The following STK31 variants were observed in gnomAD, a reference collection of about 807,000 sequenced individuals.
STK31 encodes the protein serine/threonine kinase 31.
STK31 carries 89 observed loss-of-function variants against 129.7 expected under a neutral mutation model. The ratio of observed to expected loss-of-function variants is 0.69; its 90% CI spans 0.58 to 0.82. The LOEUF is 0.82. Among genes scored for constraint, STK31 ranks in the 40% least tolerant of loss-of-function variants. STK31 has a pLI of 0.00. For synonymous variants in STK31, 448 were observed against 395.3 expected (o/e 1.13, Z -1.58); for missense variants, 1,187 against 1,176.4 (o/e 1.01, Z -0.13).
At chr7:23,769,796 A>C (rs1161128014) in intron 13 of STK31, 40 bp downstream of exon 13, 1 of 1,356,528 alleles carries the variant, frequency 7.4e-7, no homozygotes, top group Non-Finnish European at 1.0e-6. Context: ...CCTTTGAAGC[A>C]GTGTGGTTTC....
chr7:23,808,024 A>G (rs182537162), intron 22 of STK31, among the ~76,000 whole-genome samples: 452 of 150,840 alleles, frequency 3.0e-3, no homozygotes, highest in Non-Finnish European at 4.5e-3. Context: ...CATCTGTTCT[A>G]TTTGGTGTCC....
chr7:23,810,621 A>G (rs137920387), intron 22 of STK31, among the ~76,000 whole-genome samples: 1,641 of 138,294 alleles, frequency 0.012, 28 homozygotes, highest in South Asian at 0.03. Flanking sequence ...TATATATAAT[A>G]TATATAATAG....
At chr7:23,784,738 C>T (rs1178769163) in intron 17 of STK31, among the ~76,000 whole-genome samples, 1 of 151,444 alleles carries the variant, frequency 6.6e-6, no homozygotes, top group African/African-American at 2.4e-5. Flanking sequence ...GAAACTGCAC[C>T]ACAGTAAAAC....
chr7:23,768,983 A>G lies in STK31; in HGVS notation c.1417-12A>G, dbSNP rs755328420. The G allele has an allele frequency of 3.1e-5, 48 of 1,572,322 alleles. No homozygotes were observed. Among genetic ancestry groups the G allele is most frequent in the East Asian group, 4.5e-5 (2 of 44,256 alleles). ...AATAAACTTTAATAAACAGAAGTAT[A>G]TCTCTCTGCAGGATTTGTCAGTCTC... On this transcript the variant is annotated splice_polypyrimidine_tract_variant and intron_variant, in intron 11 of 23. Coordinates refer to ENST00000355870, the MANE Select transcript of STK31 (RefSeq NM_031414.5).
At chr7:23,760,308 A>G (rs1288363269) in intron 10 of STK31, among the ~76,000 whole-genome samples, 2 of 152,142 alleles carry the variant, frequency 1.3e-5, no homozygotes, top group African/African-American at 2.4e-5. Context: ...CTTACTCCCT[A>G]GTCATACCTA....
At chr7:23,796,351 T>C (rs183569499) in intron 22 of STK31, among the ~76,000 whole-genome samples, 32 of 124,334 alleles carry the variant, frequency 2.6e-4, no homozygotes, top group African/African-American at 6.9e-4. Flanking sequence ...AGTAAACATA[T>C]CAAGTTTTTT....
intron 3 of STK31, among the ~76,000 whole-genome samples, chr7:23,714,003 T>C (rs1002162240): frequency 6.6e-6 from 1 of 152,166 alleles, no homozygotes; most frequent in Non-Finnish European, 1.5e-5. Context: ...ACCACAAATA[T>C]GTGAGTAATG....
chr7:23,742,723 CTCTT>C (rs1195418298), intron 8 of STK31, among the ~76,000 whole-genome samples: 1 of 152,174 alleles, frequency 6.6e-6, no homozygotes, highest in Non-Finnish European at 1.5e-5. Context: ...GGCTTTCTCT[CTCTT>C]CTCTGGTGAA....
chr7:23,725,366 T>G (rs1786991860), intron 4 of STK31, among the ~76,000 whole-genome samples: 1 of 125,230 alleles, frequency 8.0e-6, no homozygotes, highest in African/African-American at 3.1e-5. Context: ...TGAGACCCTG[T>G]TTCTACAAAA....
intron 11 of STK31, among the ~76,000 whole-genome samples, chr7:23,764,116 C>G (rs1789660071): frequency 6.6e-6 from 1 of 152,284 alleles, no homozygotes; most frequent in Admixed American, 6.5e-5. Context: ...GAAACATTTT[C>G]TTAATTGGAA....
At chr7:23,770,802 A>C (rs1356096503) in intron 13 of STK31, among the ~76,000 whole-genome samples, 1 of 152,092 alleles carries the variant, frequency 6.6e-6, no homozygotes, top group African/African-American at 2.4e-5. Context: ...GACTGGTCTC[A>C]CTATGTTGCC....
chr7:23,733,393 C>CTT (rs36053082), intron 6 of STK31, among the ~76,000 whole-genome samples: 15 of 125,770 alleles, frequency 1.2e-4, no homozygotes, highest in African/African-American at 2.7e-4. Flanking sequence ...CTAAAAAATT[C>CTT]TTTTTTTTTT....
chr7:23,741,546 C>G (rs1269456740), intron 8 of STK31, among the ~76,000 whole-genome samples: 2 of 152,144 alleles, frequency 1.3e-5, no homozygotes, highest in African/African-American at 4.8e-5. Context: ...CACCTAGTAT[C>G]AAGCTCTACC....
chr7:23,746,932 T>G (rs1788391677), intron 8 of STK31, among the ~76,000 whole-genome samples: 1 of 152,270 alleles, frequency 6.6e-6, no homozygotes, highest in South Asian at 2.1e-4. Flanking sequence ...TTTTTCTCAA[T>G]AAGTTATACA....
Position 23,769,090 on chromosome 7 carries a change from TAAAAG to T in STK31, c.1514_1518del (p.Lys505ArgfsTer7), listed in dbSNP as rs1014738239. On this transcript the variant is annotated frameshift_variant, in exon 12 of 24. Coordinates refer to ENST00000355870, the MANE Select transcript of STK31 (RefSeq NM_031414.5). LOFTEE classifies it high-confidence loss of function. ...AAAAATTTTATGACTGGAAGTGTGA[TAAAAG>T]AGAGGAGTTCACCAGTGTTAGAAGT... 1.9e-6 allele frequency: 3 copies of T among 1,613,222 alleles called. No homozygotes were observed. Among genetic ancestry groups the T allele is most frequent in the Non-Finnish European group, 1.7e-6 (2 of 1,179,512 alleles).
At position 23,798,499 on chromosome 7, in the gene STK31, C is replaced by T. The variant is rs1792144138; in HGVS notation, c.2760+7553C>T. ...ACATAAACAGAACCAAAAACAAAAACCACATGATTACCTCAATAGATGCAA... is the reference window on the plus strand; with the variant it reads ...ACATAAACAGAACCAAAAACAAAAATCACATGATTACCTCAATAGATGCAA... On this transcript the variant is annotated intron_variant, in intron 22 of 23. Coordinates refer to ENST00000355870, the MANE Select transcript of STK31 (RefSeq NM_031414.5). Among the ~76,000 whole-genome samples the T allele has an allele frequency of 1.8e-5, 2 of 112,230 alleles. 1 individual carries two copies. The highest frequency in any genetic ancestry group is 4.0e-5 in the Non-Finnish European group (2 of 49,680). 73.6% of individuals were successfully genotyped at this position (112,230 alleles called of 152,430 possible). A position where few individuals can be genotyped will look rare whatever the true frequency, so the allele number is the denominator to read the frequency against.
intron 15 of STK31, among the ~76,000 whole-genome samples, chr7:23,776,999 C>T (rs1303344055): frequency 6.6e-6 from 1 of 152,152 alleles, no homozygotes; most frequent in African/African-American, 2.4e-5. Flanking sequence ...TTAGCTGTGT[C>T]CCAGAGATTC....
intron 4 of STK31, chr7:23,722,407 T>C (rs1232565447): frequency 6.5e-6 from 1 of 153,868 alleles, no homozygotes; most frequent in Non-Finnish European, 1.4e-5. Context: ...CAGCAAATAT[T>C]GCGGAATGGC....
chr7:23,805,288 C>G (rs1168595137), intron 22 of STK31, among the ~76,000 whole-genome samples: 1 of 152,078 alleles, frequency 6.6e-6, no homozygotes, highest in African/African-American at 2.4e-5. Flanking sequence ...CTTGCTCAGG[C>G]TGGTCTCGAA....
Sources: allele counts gnomAD v4.1 joint callset (sites outside exome capture counted in the v4.1 genomes callset), GRCh38; gene constraint gnomAD v4.1.1; transcripts MANE v1.5; gene names NCBI Gene and HGNC (gene_info 2026-07-23, HGNC 2026-07-21).